Variants in GFRA1 observed in about 807,000 individuals in gnomAD.
The protein encoded by GFRA1 is GDNF family receptor alpha-1.
Under a neutral mutation model 51.6 loss-of-function variants are expected in GFRA1, and 16 were observed. The observed-to-expected ratio is 0.31, with a 90% CI of 0.21 to 0.47. GFRA1 has a LOEUF of 0.47. Among genes scored for constraint, GFRA1 ranks in the 20% least tolerant of loss-of-function variants. GFRA1 has a pLI of 1.00. For synonymous variants in GFRA1, 270 were observed against 241.3 expected (o/e 1.12, Z -1.10); for missense variants, 530 against 594.3 (o/e 0.89, Z 1.13).
chr10:116,149,094 A>G (rs1262369984), intron 5 of GFRA1, among the ~76,000 whole-genome samples: 1 of 152,220 alleles, frequency 6.6e-6, no homozygotes, highest in Non-Finnish European at 1.5e-5. Flanking sequence ...CTCCAACATT[A>G]GACACATCTT....
intron 4 of GFRA1, among the ~76,000 whole-genome samples, chr10:116,215,492 T>C (rs928615272): frequency 6.6e-6 from 1 of 152,338 alleles, no homozygotes; most frequent in South Asian, 2.1e-4. Context: ...GTCAATCTAT[T>C]AGACCTGCTG....
chr10:116,243,692 A>G (rs1289048026), intron 4 of GFRA1, among the ~76,000 whole-genome samples: 1 of 152,058 alleles, frequency 6.6e-6, no homozygotes, highest in African/African-American at 2.4e-5. Flanking sequence ...GGGTCCAGGT[A>G]TCAGGGCACT....
At chr10:116,127,691 T>C (rs1957934523) in intron 5 of GFRA1, among the ~76,000 whole-genome samples, 1 of 152,222 alleles carries the variant, frequency 6.6e-6, no homozygotes, top group African/African-American at 2.4e-5. Context: ...ATAGTCGCCA[T>C]GTGCCCTGAA....
intron 4 of GFRA1, among the ~76,000 whole-genome samples, chr10:116,252,960 C>G (rs890987928): frequency 1.3e-5 from 2 of 152,172 alleles, no homozygotes; most frequent in African/African-American, 4.8e-5. Flanking sequence ...CACTGCACCC[C>G]CCGGCCAATA....
chr10:116,086,251 T>C (rs909693271), intron 9 of GFRA1, among the ~76,000 whole-genome samples: 7 of 152,116 alleles, frequency 4.6e-5, no homozygotes, highest in Non-Finnish European at 8.8e-5. Context: ...CAATGTTCCC[T>C]AGCACACACC....
intron 6 of GFRA1, among the ~76,000 whole-genome samples, chr10:116,110,473 T>C (rs1463245804): frequency 6.6e-6 from 1 of 152,062 alleles, no homozygotes; most frequent in East Asian, 1.9e-4. Flanking sequence ...GGTAATAAAA[T>C]CCCATGCACA....
chr10:116,096,839 C>A (rs1046740033), intron 6 of GFRA1, 75 bp from the exon 7 acceptor site: 12 of 786,704 alleles, frequency 1.5e-5, no homozygotes, highest in Admixed American at 1.2e-4. Context: ...GACATGTTTT[C>A]TTTATTCCTT....
chr10:116,098,838 C>T (rs1956709335), intron 6 of GFRA1, among the ~76,000 whole-genome samples: 1 of 152,196 alleles, frequency 6.6e-6, no homozygotes, highest in Admixed American at 6.5e-5. Context: ...GAATGAAAGG[C>T]TAATTGAGTC....
chr10:116,163,723 C>T (rs577032348), intron 5 of GFRA1, among the ~76,000 whole-genome samples: 1 of 152,074 alleles, frequency 6.6e-6, no homozygotes, highest in Non-Finnish European at 1.5e-5. Context: ...ATGGAATGCA[C>T]ACGGTAAGTT....
chr10:116,091,193 T>A (rs1411767134), intron 8 of GFRA1, among the ~76,000 whole-genome samples: 1 of 152,210 alleles, frequency 6.6e-6, no homozygotes, highest in Non-Finnish European at 1.5e-5. Flanking sequence ...ACATCAGCGG[T>A]TCAGTTGTTC....
At chr10:116,220,415 G>C (rs1220490275) in intron 4 of GFRA1, among the ~76,000 whole-genome samples, 1 of 152,148 alleles carries the variant, frequency 6.6e-6, no homozygotes, top group Non-Finnish European at 1.5e-5. Context: ...AATCAGGTTG[G>C]TTACCCAGTT....
intron 5 of GFRA1, among the ~76,000 whole-genome samples, chr10:116,130,183 T>C (rs1202974826): frequency 1.3e-5 from 2 of 151,334 alleles, no homozygotes; most frequent in South Asian, 2.1e-4. Context: ...ACCTGATAAA[T>C]GGAAATATAT....
chr10:116,133,379 G>A (rs1260490255), intron 5 of GFRA1, among the ~76,000 whole-genome samples: 1 of 152,026 alleles, frequency 6.6e-6, no homozygotes, highest in Non-Finnish European at 1.5e-5. Context: ...GGCCATGGGA[G>A]GTATAACATT....
chr10:116,184,619 C>T (rs978982523), intron 5 of GFRA1, among the ~76,000 whole-genome samples: 26 of 152,212 alleles, frequency 1.7e-4, no homozygotes, highest in African/African-American at 6.0e-4. Flanking sequence ...GAGGAGGTGG[C>T]ACTACAGGTG....
intron 6 of GFRA1, among the ~76,000 whole-genome samples, chr10:116,108,776 A>G (rs73367253): frequency 6.6e-6 from 1 of 152,176 alleles, no homozygotes; most frequent in Non-Finnish European, 1.5e-5. Context: ...CATCTCCGTC[A>G]CTTTCTATTC....
intron 5 of GFRA1, among the ~76,000 whole-genome samples, chr10:116,200,895 T>G (rs956478102): frequency 4.6e-5 from 7 of 152,236 alleles, no homozygotes; most frequent in African/African-American, 1.7e-4. Flanking sequence ...AGCGAGTTAA[T>G]GTATGTGGAA....
intron 4 of GFRA1, among the ~76,000 whole-genome samples, chr10:116,221,417 A>G (rs1482801385): frequency 6.6e-6 from 1 of 152,150 alleles, no homozygotes; most frequent in Non-Finnish European, 1.5e-5. Context: ...AGAGAAGAGA[A>G]TTCACGTTCA....
intron 9 of GFRA1, among the ~76,000 whole-genome samples, chr10:116,089,254 G>A (rs542804668): frequency 1.8e-4 from 28 of 152,144 alleles, no homozygotes; most frequent in Non-Finnish European, 3.4e-4. Flanking sequence ...GAACCAACCC[G>A]TCAAGCAGTC....
At chr10:116,244,063 A>G (rs545840550) in intron 4 of GFRA1, among the ~76,000 whole-genome samples, 3 of 152,342 alleles carry the variant, frequency 2.0e-5, no homozygotes, top group South Asian at 2.1e-4. Flanking sequence ...AATACTAGAG[A>G]AAATCACTGT....
Sources: allele counts gnomAD v4.1 joint callset (sites outside exome capture counted in the v4.1 genomes callset), GRCh38; gene constraint gnomAD v4.1.1; transcripts MANE v1.5; gene names NCBI Gene and HGNC (gene_info 2026-07-23, HGNC 2026-07-21).